TACR2: variants seen among roughly 807,000 people sequenced by gnomAD.
TACR2 encodes the protein substance-K receptor.
TACR2 carries 24 observed loss-of-function variants against 28.9 expected under a neutral mutation model. That is an observed-to-expected ratio of 0.83 (90% confidence interval 0.60 to 1.17). The LOEUF is 1.17. TACR2 is among the 50% of genes most tolerant of loss of function. The probability of loss-of-function intolerance (pLI) is 0.00; values close to 1 mark genes in which losing one functional copy is unlikely to be tolerated. For missense variants in TACR2, 487 were observed against 524.4 expected (o/e 0.93, Z 0.70); for synonymous variants, 222 against 212.6 (o/e 1.04, Z -0.38).
chr10:69,410,621 C>A (rs1163792235), intron 2 of TACR2, among the ~76,000 whole-genome samples: 1 of 151,818 alleles, frequency 6.6e-6, no homozygotes, highest in African/African-American at 2.4e-5. Context: ...TGGGGACTGA[C>A]TCCTCGGCAG....
At chr10:69,405,775 A>G (rs1297657857) in intron 4 of TACR2, among the ~76,000 whole-genome samples, 3 of 152,198 alleles carry the variant, frequency 2.0e-5, no homozygotes, top group African/African-American at 7.2e-5. Flanking sequence ...GGGTAGCAGG[A>G]GAGTGATCAA....
intron 2 of TACR2, among the ~76,000 whole-genome samples, chr10:69,411,176 C>T (rs535954968): frequency 2.0e-5 from 3 of 152,302 alleles, no homozygotes; most frequent in South Asian, 4.1e-4. Flanking sequence ...CTTCTACCTG[C>T]CACATGCTAG....
chr10:69,406,438 G>T (rs1304471379), intron 4 of TACR2, among the ~76,000 whole-genome samples: 1 of 152,128 alleles, frequency 6.6e-6, no homozygotes, highest in Non-Finnish European at 1.5e-5. Context: ...GAAACTGGAT[G>T]ATGCCAGGAG....
chr10:69,414,752 C>T (rs974678220), intron 2 of TACR2, among the ~76,000 whole-genome samples, 193 bp downstream of exon 2: 6 of 152,118 alleles, frequency 3.9e-5, no homozygotes, highest in Admixed American at 6.5e-5. Context: ...AAAAACAGAT[C>T]GGCTACATCG....
intron 4 of TACR2, 112 bp downstream of exon 4, chr10:69,406,972 C>T (rs1165606009): frequency 3.5e-6 from 4 of 1,140,042 alleles, no homozygotes; most frequent in Non-Finnish European, 2.5e-6. Context: ...GGGCACAGGG[C>T]CACAGGTTCC....
chr10:69,404,781 A>G lies in TACR2; in HGVS notation c.*45T>C, dbSNP rs1840485751. 3 of 1,072,074 alleles carry G rather than the reference A, an allele frequency of 2.8e-6. No homozygotes were observed. Among genetic ancestry groups the G allele is most frequent in the South Asian group, 1.6e-5 (1 of 60,762 alleles). The allele number at this position is 1,072,074 out of a possible 1,614,324, so 66.4% of individuals were successfully genotyped here. ...ATAAGGGATCCATCCCCAATACCCA[A>G]ACACCTCCCACTAACCCCTACCTCC... is the stretch of plus-strand genomic sequence containing the variant. On this transcript the variant is annotated 3_prime_UTR_variant, in exon 5 of 5. Transcript: ENST00000373306.
Position 69,416,881 on chromosome 10 carries a change from A to G in TACR2, c.-558T>C, listed in dbSNP as rs5030928. 0.34 allele frequency: 51,869 copies of G among 152,450 alleles called. 11,098 individuals are homozygous for G. Among genetic ancestry groups the G allele is most frequent in the African/African-American group, 0.59 (24,645 of 41,534 alleles). The allele number at this position is 152,450 out of a possible 1,614,324, so 9.4% of individuals were successfully genotyped here. A position where few individuals can be genotyped will look rare whatever the true frequency, so the allele number is the denominator to read the frequency against. ...GGTGCTGGGTGCTCAGGGCTCTGCC[A>G]GCTGCCAGCCCTCGCTGCAGCTTCC... On this transcript the variant is annotated 5_prime_UTR_variant, in exon 1 of 5. Coordinates refer to ENST00000373306, the MANE Select transcript of TACR2 (RefSeq NM_001057.3).
At chr10:69,409,173 GCCC>G (rs1404285994) in intron 2 of TACR2, 98 bp from the exon 3 acceptor site, 1 of 1,276,296 alleles carries the variant, frequency 7.8e-7, no homozygotes, top group African/African-American at 1.6e-5. Context: ...CTGTGGAGCC[GCCC>G]CTGCGGGCCC....
chr10:69,414,968 G>A lies in TACR2; in HGVS notation c.564C>T (p.Asp188=). The change falls in exon 2 of 5, where the codon GAC becomes GAT. Residue 188 remains aspartate (D), a synonymous_variant. Coordinates refer to ENST00000373306, the MANE Select transcript of TACR2 (RefSeq NM_001057.3). ...ATKCVVAWPE[D]SGGKTLLLYH... ...ACAGGAGGAGCGTCTTGCCCCCGCTGTCTTCGGGCCAGGCCACCACGCACT... is the reference window on the plus strand; with the variant it reads ...ACAGGAGGAGCGTCTTGCCCCCGCTATCTTCGGGCCAGGCCACCACGCACT... The A allele has an allele frequency of 6.2e-7, 1 of 1,612,736 alleles. No individual in the cohort carries two copies. Among genetic ancestry groups the A allele is most frequent in the Non-Finnish European group, 8.5e-7 (1 of 1,179,266 alleles).
At position 69,407,143 on chromosome 10, in the gene TACR2, G is replaced by C. The variant is rs1840508830; in HGVS notation, c.879C>G (p.Phe293Leu). 1 of 1,613,998 alleles carries C rather than the reference G, an allele frequency of 6.2e-7. No homozygotes were observed. Among genetic ancestry groups the C allele is most frequent in the Admixed American group, 1.7e-5 (1 of 59,992 alleles). The change falls in exon 4 of 5, where the codon TTC (phenylalanine) becomes TTG (leucine). Residue 293 changes from phenylalanine (F) to leucine (L), a missense_variant. Phe to Leu is a conservative substitution (Grantham distance 22). Transcript: ENST00000373306. ...KFIQQVYLAL[F>L]WLAMSSTMYN... is the part of the protein sequence containing the mutation. ...ACATGGTAGAGCTCATGGCCAACCA[G>C]AAGAGTGCCAGGTAGACTTGCTGGA...
In TACR2 at chr10:69,410,419, G is replaced by GC. The variant is rs1840559652; in HGVS notation, c.588-1345dup. ...ACCTGTAATTCCAGCTACTCAGGAG[G>GC]CTGAGGCAAGAGGTTCACTTGAGCC... On this transcript the variant is annotated intron_variant, in intron 2 of 4. Coordinates refer to ENST00000373306, the MANE Select transcript of TACR2 (RefSeq NM_001057.3). 1.3e-5 allele frequency among the ~76,000 whole-genome samples: 2 copies of GC among 151,794 alleles called. 1 individual carries two copies. The highest frequency in any genetic ancestry group is 4.2e-4 in the South Asian group (2 of 4,800).
At chr10:69,407,432 T>C in intron 3 of TACR2, 152 bp from the exon 4 acceptor site, 1 of 754,502 alleles carries the variant, frequency 1.3e-6, no homozygotes, top group South Asian at 2.0e-5. Flanking sequence ...GAGCATGTTT[T>C]GCCCAGACCT....
chr10:69,414,700 C>T (rs1332616283), intron 2 of TACR2, among the ~76,000 whole-genome samples: 1 of 152,140 alleles, frequency 6.6e-6, no homozygotes, highest in Non-Finnish European at 1.5e-5. Context: ...ATATATCCCA[C>T]ATAGTTAGGA....
chr10:69,405,212 A>C, intron 4 of TACR2, 128 bp from the exon 5 acceptor site: 1 of 732,846 alleles, frequency 1.4e-6, no homozygotes, highest in Non-Finnish European at 2.2e-6. Context: ...AGAGCCTCCC[A>C]TGGCTCAGGG....
intron 2 of TACR2, among the ~76,000 whole-genome samples, chr10:69,411,239 T>C (rs1840567115): frequency 6.6e-6 from 1 of 152,174 alleles, no homozygotes; most frequent in African/African-American, 2.4e-5. Flanking sequence ...AGGGGACCCA[T>C]GGTGAAACCA....
In TACR2 at chr10:69,416,679, C is replaced by T. The variant is rs200639217; in HGVS notation, c.-356G>A. 2.5e-5 allele frequency: 5 copies of T among 201,572 alleles called. No homozygotes were observed. The highest frequency in any genetic ancestry group is 5.4e-5 in the Admixed American group (1 of 18,542). The allele number at this position is 201,572 out of a possible 1,614,324, so 12.5% of individuals were successfully genotyped here. A position where few individuals can be genotyped will look rare whatever the true frequency, so the allele number is the denominator to read the frequency against. Reference sequence around the variant, plus strand: ...GGAAGACAGAGATTCCAAGAGGGGACGGGACCAGCCCAGGTCACTCAGGAA... The same window carrying T: ...GGAAGACAGAGATTCCAAGAGGGGATGGGACCAGCCCAGGTCACTCAGGAA... On this transcript the variant is annotated 5_prime_UTR_variant, in exon 1 of 5. Transcript: ENST00000373306.
rs191569869 is a variant in TACR2, at chr10:69,416,063, G to T, written c.261C>A (p.Ala87=). 1.2e-6 allele frequency: 2 copies of T among 1,614,168 alleles called. No individual in the cohort carries two copies. The highest frequency in any genetic ancestry group is 1.7e-6 in the Non-Finnish European group (2 of 1,180,008). Residue 87 remains alanine, a synonymous_variant, in exon 1 of 5, where the codon GCC becomes GCA. Coordinates refer to ENST00000373306, the MANE Select transcript of TACR2 (RefSeq NM_001057.3). The part of the protein sequence containing the change: ...LADLCMAAFN[A]AFNFVYASHN... Reference sequence around the variant, plus strand: ...GGCTGGCATAGACAAAGTTGAAGGCGGCATTGAAGGCAGCCATGCAGAGGT... The same window carrying T: ...GGCTGGCATAGACAAAGTTGAAGGCTGCATTGAAGGCAGCCATGCAGAGGT...
At chr10:69,405,709 C>T (rs1840495937) in intron 4 of TACR2, among the ~76,000 whole-genome samples, 1 of 152,214 alleles carries the variant, frequency 6.6e-6, no homozygotes, top group South Asian at 2.1e-4. Flanking sequence ...GAAGTGATGT[C>T]AGGATCTTGT....
Position 69,404,953 on chromosome 10 carries a change from A to G in TACR2, c.1070T>C (p.Leu357Ser), listed in dbSNP as rs201427202. ...GGGGGCTGTGTCCCCAGCCATGAACAAAGTCTCCTTAGTGTGACACCTGTT... is the reference window on the plus strand; with the variant it reads ...GGGGGCTGTGTCCCCAGCCATGAACGAAGTCTCCTTAGTGTGACACCTGTT... ...RVNRCHTKET[L>S]FMAGDTAPSE... The change falls in exon 5 of 5, where the codon TTG (leucine) becomes TCG (serine). Residue 357 changes from leucine to serine, a missense_variant. Coordinates refer to ENST00000373306, the MANE Select transcript of TACR2 (RefSeq NM_001057.3). 1.5e-5 allele frequency: 24 copies of G among 1,614,062 alleles called. 1 individual carries two copies. The South Asian group carries it at 2.6e-4, about 18-fold the overall frequency.
Sources: allele counts gnomAD v4.1 joint callset (sites outside exome capture counted in the v4.1 genomes callset), GRCh38; gene constraint gnomAD v4.1.1; transcripts MANE v1.5; gene names NCBI Gene and HGNC (gene_info 2026-07-23, HGNC 2026-07-21).